CSMD1: variants seen among roughly 807,000 people sequenced by gnomAD.
CSMD1 encodes CUB and sushi domain-containing protein 1.
A neutral mutation model predicts 417.5 loss-of-function variants in CSMD1; 213 were observed. The ratio of observed to expected loss-of-function variants is 0.51; its 90% CI spans 0.46 to 0.57. CSMD1 has a LOEUF of 0.57. Among genes scored for constraint, CSMD1 ranks in the 20% least tolerant of loss-of-function variants. The probability of loss-of-function intolerance (pLI) is 0.00; values close to 1 mark genes in which losing one functional copy is unlikely to be tolerated. For missense variants in CSMD1, 6,923 were observed against 4,529.7 expected, an observed-to-expected ratio of 1.53 and a Z score of -15.17; for synonymous variants, 2,862 against 1,736.8, an observed-to-expected ratio of 1.65 and a Z score of -16.11.
intron 2 of CSMD1, among the ~76,000 whole-genome samples, chr8:4,473,362 A>T (rs1800635987): frequency 6.6e-6 from 1 of 152,194 alleles, no homozygotes. Context: ...GGGGTATCTG[A>T]GGTTGAGAAA....
At chr8:4,177,751 AC>A (rs1798132441) in intron 3 of CSMD1, among the ~76,000 whole-genome samples, 1 of 151,476 alleles carries the variant, frequency 6.6e-6, no homozygotes, top group Non-Finnish European at 1.5e-5. Context: ...AGGGGATATC[AC>A]CACCGATCCC....
In CSMD1 at chr8:3,506,352, T is replaced by A. The variant is rs2117370611; in HGVS notation, c.1345-12626A>T. 3.3e-5 allele frequency among the ~76,000 whole-genome samples: 5 copies of A among 152,272 alleles called. No individual in the cohort carries two copies. In the South Asian group the frequency reaches 1.0e-3, roughly 32 times the overall value. ...AAGAGACAAGGAGGCTTGCCGGAGT[T>A]TGCATGCTAACAAGAACACTGGAGG... is the stretch of plus-strand genomic sequence containing the variant. On this transcript the variant is annotated intron_variant, in intron 10 of 69. Transcript: ENST00000635120.
chr8:4,826,962 A>G (rs1417417319), intron 1 of CSMD1, among the ~76,000 whole-genome samples: 1 of 152,114 alleles, frequency 6.6e-6, no homozygotes, highest in African/African-American at 2.4e-5. Flanking sequence ...GTTTGTGCTC[A>G]CTACACGTTG....
intron 1 of CSMD1, among the ~76,000 whole-genome samples, chr8:4,701,579 T>G (rs1191906541): frequency 6.6e-6 from 1 of 152,098 alleles, no homozygotes; most frequent in Non-Finnish European, 1.5e-5. Flanking sequence ...CATTTGAGAA[T>G]AGCTGTTGAT....
In CSMD1 at chr8:4,450,285, G is replaced by T. The variant is rs576635937; in HGVS notation, c.303-30220C>A. The stretch of plus-strand genomic sequence containing the variant: ...TCAGGAGCACACAACATGGGAGAAA[G>T]CTGTGCACTGTTTGCTGCAACTCAG... On this transcript the variant is annotated intron_variant, in intron 2 of 69. Transcript: ENST00000635120. Among the ~76,000 whole-genome samples, 11 of 152,314 alleles carry T rather than the reference G, an allele frequency of 7.2e-5. No homozygotes were observed. The East Asian group carries it at 1.9e-3, about 27-fold the overall frequency.
intron 5 of CSMD1, among the ~76,000 whole-genome samples, chr8:3,895,380 T>G (rs1807290873): frequency 6.6e-6 from 1 of 152,192 alleles, no homozygotes; most frequent in Non-Finnish European, 1.5e-5. Context: ...ATTTTATATA[T>G]TAAATGAAAT....
intron 1 of CSMD1, among the ~76,000 whole-genome samples, chr8:4,769,572 T>G (rs965617645): frequency 2.0e-5 from 3 of 152,202 alleles, no homozygotes; most frequent in Admixed American, 6.5e-5. Flanking sequence ...ATTTTGCCAA[T>G]GTTGCAAAAT....
At chr8:3,228,797 T>C (rs1798662123) in intron 27 of CSMD1, among the ~76,000 whole-genome samples, 1 of 151,994 alleles carries the variant, frequency 6.6e-6, no homozygotes, top group Admixed American at 6.6e-5. Flanking sequence ...AAAAAAACCC[T>C]TTCCTACTGT....
chr8:3,825,384 C>T (rs936163990), intron 5 of CSMD1, among the ~76,000 whole-genome samples: 1 of 152,046 alleles, frequency 6.6e-6, no homozygotes, highest in African/African-American at 2.4e-5. Context: ...ACAAAATTAG[C>T]CAGGGGTGGT....
intron 42 of CSMD1, among the ~76,000 whole-genome samples, chr8:3,112,121 C>G (rs1764959731): frequency 6.6e-6 from 1 of 151,710 alleles, no homozygotes; most frequent in Non-Finnish European, 1.5e-5. Context: ...GGGTCTGCAT[C>G]TCCTCCCACC....
chr8:4,897,118 T>G (rs1039376651), intron 1 of CSMD1, among the ~76,000 whole-genome samples: 2 of 152,200 alleles, frequency 1.3e-5, no homozygotes, highest in African/African-American at 4.8e-5. Flanking sequence ...GTATTTTATT[T>G]AAATGAATTT....
intron 1 of CSMD1, among the ~76,000 whole-genome samples, chr8:4,887,694 C>A (rs1304625682): frequency 1.3e-5 from 2 of 151,454 alleles, no homozygotes; most frequent in Non-Finnish European, 2.9e-5. Context: ...TATTTATTTG[C>A]TTTATTTGCT....
chr8:4,502,907 T>C (rs751976601), intron 2 of CSMD1, among the ~76,000 whole-genome samples: 3 of 152,160 alleles, frequency 2.0e-5, no homozygotes, highest in African/African-American at 7.2e-5. Context: ...CAATTCCTTC[T>C]GGTGTCTTTT....
chr8:4,391,789 C>G (rs1027519220), intron 3 of CSMD1, among the ~76,000 whole-genome samples: 1 of 152,140 alleles, frequency 6.6e-6, no homozygotes, highest in African/African-American at 2.4e-5. Flanking sequence ...TGAGTTTGAG[C>G]GGCTGCTAAG....
At chr8:2,990,190 C>T (rs528255397) in intron 54 of CSMD1, among the ~76,000 whole-genome samples, 25 of 152,156 alleles carry the variant, frequency 1.6e-4, no homozygotes, top group Admixed American at 1.1e-3. Flanking sequence ...TGAATCTTTC[C>T]TTAAGTCCTT....
chr8:3,686,040 T>G (rs1799928447), intron 7 of CSMD1, among the ~76,000 whole-genome samples: 1 of 152,100 alleles, frequency 6.6e-6, no homozygotes, highest in Non-Finnish European at 1.5e-5. Flanking sequence ...AACCAACCAA[T>G]GCTCCTTGCC....
intron 2 of CSMD1, among the ~76,000 whole-genome samples, chr8:4,610,139 G>C (rs998624200): frequency 2.0e-5 from 3 of 147,998 alleles, no homozygotes; most frequent in African/African-American, 7.4e-5. Context: ...AAGACTAATA[G>C]GTTATGAACA....
chr8:4,055,663 A>G (rs1399041379), intron 3 of CSMD1, among the ~76,000 whole-genome samples: 1 of 152,182 alleles, frequency 6.6e-6, no homozygotes, highest in East Asian at 1.9e-4. Context: ...TAATGTAATT[A>G]TAAATGCCAC....
intron 1 of CSMD1, among the ~76,000 whole-genome samples, chr8:4,689,568 T>A (rs1806629012): frequency 6.6e-6 from 1 of 152,232 alleles, no homozygotes; most frequent in Admixed American, 6.5e-5. Flanking sequence ...TTACAATACA[T>A]TTTTGAAAAG....
Sources: allele counts gnomAD v4.1 joint callset (sites outside exome capture counted in the v4.1 genomes callset), GRCh38; gene constraint gnomAD v4.1.1; transcripts MANE v1.5; gene names NCBI Gene and HGNC (gene_info 2026-07-23, HGNC 2026-07-21).